TSPO: variants seen among roughly 807,000 people sequenced by gnomAD.
TSPO encodes the protein benzodiazepine peripheral binding site.
Under a neutral mutation model 13.9 loss-of-function variants are expected in TSPO, and 14 were observed. That is an observed-to-expected ratio of 1.01 (90% CI 0.67 to 1.58). TSPO has a LOEUF of 1.58. Ranked by LOEUF, TSPO falls within the 40% of genes most tolerant of loss-of-function variation. TSPO has a pLI of 0.00. For missense variants in TSPO, 232 were observed against 229.6 expected, an observed-to-expected ratio of 1.01 and a Z score of -0.07; for synonymous variants, 114 against 105.9, an observed-to-expected ratio of 1.08 and a Z score of -0.47.
chr22:43,163,027 A>C lies in TSPO; in HGVS notation c.*36A>C. 1 of 1,574,918 alleles carries C rather than the reference A, an allele frequency of 6.3e-7. No individual in the cohort carries two copies. The highest frequency in any genetic ancestry group is 8.6e-7 in the Non-Finnish European group (1 of 1,160,558). On this transcript the variant is annotated 3_prime_UTR_variant, in exon 4 of 4. Transcript: ENST00000337554. ...CACCAGGGACTGCAGCTGCACCAGC[A>C]GGTGCCATCACGCTTGTGATGTGGT...
Position 43,160,997 on chromosome 22 carries a change from GC to G in TSPO, c.183-54del, listed in dbSNP as rs1931416414. On this transcript the variant is annotated intron_variant, in intron 2 of 3. Coordinates refer to ENST00000337554, the MANE Select transcript of TSPO (RefSeq NM_000714.6). Reference sequence around the variant, plus strand: ...CCATCACTGTGCCACTCGGAGGTGGGCAACGCTCCTGGCCTTGTTCCTAATG... The same window carrying G: ...CCATCACTGTGCCACTCGGAGGTGGGAACGCTCCTGGCCTTGTTCCTAATG... The G allele has an allele frequency of 1.2e-5, 18 of 1,564,450 alleles. 1 individual carries two copies. In the South Asian group the frequency reaches 1.9e-4, roughly 16 times the overall value.
chr22:43,162,944 TG>T lies in TSPO; in HGVS notation c.465del (p.Trp155CysfsTer34), dbSNP rs1226700027. On this transcript the variant is annotated frameshift_variant, in exon 4 of 4. Coordinates refer to ENST00000337554, the MANE Select transcript of TSPO (RefSeq NM_000714.6). LOFTEE classifies it low-confidence loss of function (END_TRUNC). ...CACGACCACACTCAACTACTGCGTA[TG>T]GCGGGACAACCATGGCTGGCGTGGG... ...AFTTTLNYCV[W>X]RDNHGWRGGR... The T allele has an allele frequency of 3.1e-6, 5 of 1,598,834 alleles. No individual in the cohort carries two copies. In the South Asian group the frequency reaches 5.6e-5, roughly 18 times the overall value.
intron 1 of TSPO, among the ~76,000 whole-genome samples, chr22:43,153,962 C>A (rs568840878): frequency 6.6e-6 from 1 of 151,982 alleles, no homozygotes; most frequent in South Asian, 2.1e-4. Flanking sequence ...CAGGCTGTTT[C>A]TTTATTTTTT....
intron 1 of TSPO, among the ~76,000 whole-genome samples, chr22:43,153,057 CTCTT>C (rs1931129375): frequency 7.3e-6 from 1 of 137,408 alleles, no homozygotes; most frequent in South Asian, 2.7e-4. Flanking sequence ...CCCCTTCTTT[CTCTT>C]TCTTCTTTCT....
rs745509989 is a variant in TSPO, at chr22:43,163,038, C to T, written c.*47C>T. On this transcript the variant is annotated 3_prime_UTR_variant, in exon 4 of 4. Transcript: ENST00000337554. ...GCAGCTGCACCAGCAGGTGCCATCA[C>T]GCTTGTGATGTGGTGGCCGTCACGC... 2.5e-5 allele frequency: 39 copies of T among 1,571,498 alleles called. No homozygotes were observed. Among genetic ancestry groups the T allele is most frequent in the Middle Eastern group, 1.7e-4 (1 of 5,936 alleles).
At chr22:43,160,929 T>G in intron 2 of TSPO, 123 bp from the exon 3 acceptor site, 1 of 1,285,582 alleles carries the variant, frequency 7.8e-7, no homozygotes, top group Middle Eastern at 2.5e-4. Flanking sequence ...GTCAAGCAAC[T>G]TCCCTGAGAT....
At chr22:43,154,559 T>C (rs974406213) in intron 1 of TSPO, among the ~76,000 whole-genome samples, 7 of 151,820 alleles carry the variant, frequency 4.6e-5, no homozygotes, top group Non-Finnish European at 8.8e-5. Context: ...GGTCTCACCA[T>C]GTTGGCCAGG....
At position 43,153,412 on chromosome 22, in the gene TSPO, C is replaced by G. The variant is rs1344695911; in HGVS notation, c.-30+1808C>G. Among the ~76,000 whole-genome samples, 10 of 63,618 alleles carry G rather than the reference C, an allele frequency of 1.6e-4. 2 individuals carry two copies. Among genetic ancestry groups the G allele is most frequent in the African/African-American group, 4.9e-4 (10 of 20,334 alleles). The allele number at this position is 63,618 out of a possible 152,430, so 41.7% of individuals were successfully genotyped here. On this transcript the variant is annotated intron_variant, in intron 1 of 3. Coordinates refer to ENST00000337554, the MANE Select transcript of TSPO (RefSeq NM_000714.6). ...CAGGCCGGACTGCGGACTGCAGTGG[C>G]GCAATCTCGGCTCACTGCAAGCTCC...
chr22:43,161,829 T>C (rs1385676672), intron 3 of TSPO, among the ~76,000 whole-genome samples: 2 of 152,144 alleles, frequency 1.3e-5, no homozygotes, highest in Non-Finnish European at 2.9e-5. Context: ...AGTTTTAAAC[T>C]TTTTTAAGAG....
chr22:43,160,591 C>T (rs1289116472), intron 2 of TSPO, among the ~76,000 whole-genome samples: 1 of 152,160 alleles, frequency 6.6e-6, no homozygotes, highest in East Asian at 1.9e-4. Flanking sequence ...ATCAGGCCTC[C>T]CCCTGGACCT....
At chr22:43,156,968 A>T (rs1931270053) in intron 1 of TSPO, among the ~76,000 whole-genome samples, 1 of 152,090 alleles carries the variant, frequency 6.6e-6, no homozygotes, top group Non-Finnish European at 1.5e-5. Flanking sequence ...GAGGCTCCTT[A>T]TGGTTCCCCC....
intron 1 of TSPO, 92 bp from the exon 2 acceptor site, chr22:43,159,113 TCTGTG>T: frequency 1.0e-6 from 1 of 969,904 alleles, no homozygotes; most frequent in Non-Finnish European, 1.4e-6. Context: ...GACTGGTTGA[TCTGTG>T]GGTGACAGGC....
chr22:43,156,043 T>C (rs1196698332), intron 1 of TSPO, among the ~76,000 whole-genome samples: 2 of 152,222 alleles, frequency 1.3e-5, no homozygotes, highest in South Asian at 2.1e-4. Context: ...GGCTTTCTCC[T>C]TGTGGGGCAT....
chr22:43,155,997 C>T (rs1601755114), intron 1 of TSPO, among the ~76,000 whole-genome samples: 1 of 152,220 alleles, frequency 6.6e-6, no homozygotes, highest in Admixed American at 6.5e-5. Flanking sequence ...CTGGGCAGTT[C>T]CCCAGAGGCC....
rs771190871 is a variant in TSPO at position 43,161,231 on chromosome 22, G to A, written c.321+41G>A. On this transcript the variant is annotated intron_variant, in intron 3 of 3. Coordinates refer to ENST00000337554, the MANE Select transcript of TSPO (RefSeq NM_000714.6). ...GCATGTGTCCCTGATCCCTGGATCC[G>A]ACCCTTGGAGGACGTGGGGCATCAC... The A allele has an allele frequency of 7.5e-5, 119 of 1,585,196 alleles. No individual in the cohort carries two copies. The South Asian group carries it at 1.0e-3, about 13-fold the overall frequency.
At chr22:43,152,861 T>C (rs904911974) in intron 1 of TSPO, among the ~76,000 whole-genome samples, 6 of 152,288 alleles carry the variant, frequency 3.9e-5, no homozygotes, top group Non-Finnish European at 7.4e-5. Context: ...TGTCCTGTCG[T>C]CTGTACACAC....
At chr22:43,153,093 C>A (rs936557006) in intron 1 of TSPO, among the ~76,000 whole-genome samples, 2 of 96,702 alleles carry the variant, frequency 2.1e-5, no homozygotes, top group African/African-American at 5.0e-5. Flanking sequence ...TCTTTCCTTC[C>A]TTCCTTCTTT....
At chr22:43,162,127 T>C (rs1274975868) in intron 3 of TSPO, among the ~76,000 whole-genome samples, 2 of 59,086 alleles carry the variant, frequency 3.4e-5, no homozygotes, top group Admixed American at 1.8e-4. Context: ...ATTTTCTGTA[T>C]TTTTTTTTTT....
At chr22:43,153,698 GCTCT>G (rs1026377629) in intron 1 of TSPO, among the ~76,000 whole-genome samples, 1 of 151,012 alleles carries the variant, frequency 6.6e-6, no homozygotes, top group African/African-American at 2.4e-5. Flanking sequence ...GCTTGGATGT[GCTCT>G]CTGTTTAAAA....
Sources: gnomAD v4.1 joint callset for allele counts (sites outside exome capture counted in the v4.1 genomes callset) on GRCh38, gnomAD v4.1.1 for gene constraint, MANE v1.5 for transcripts, NCBI Gene and HGNC (gene_info 2026-07-23, HGNC 2026-07-21) for gene names.